Variants in BFSP1 observed in about 807,000 individuals in gnomAD.
BFSP1 encodes the protein beaded filament structural protein 1.
A neutral mutation model predicts 43.9 loss-of-function variants in BFSP1; 38 were observed. The ratio of observed to expected loss-of-function variants is 0.87; its 90% CI spans 0.67 to 1.14. The LOEUF (loss-of-function observed/expected upper bound fraction) is 1.14. Ranked by LOEUF, BFSP1 falls within the 50% of genes most tolerant of loss-of-function variation. The pLI is 0.00. For synonymous variants in BFSP1, 352 were observed against 354.8 expected (o/e 0.99, Z 0.09); for missense variants, 850 against 875.1 (o/e 0.97, Z 0.36).
At chr20:17,511,163 A>G (rs915427846) in intron 4 of BFSP1, among the ~76,000 whole-genome samples, 3 of 152,190 alleles carry the variant, frequency 2.0e-5, no homozygotes, top group Non-Finnish European at 4.4e-5. Context: ...TCCATAAACC[A>G]TATTAGGAAA....
At chr20:17,559,689 G>C (rs1239353299), upstream of BFSP1, among the ~76,000 whole-genome samples, 2 of 152,174 alleles carry the variant, frequency 1.3e-5, no homozygotes, top group African/African-American at 4.8e-5. Context: ...ATTCTCATAG[G>C]AGTGGGAACC....
At chr20:17,506,287 T>C (rs2033935334) in intron 5 of BFSP1, among the ~76,000 whole-genome samples, 1 of 151,724 alleles carries the variant, frequency 6.6e-6, no homozygotes, top group South Asian at 2.1e-4. Context: ...CATCTTTCTT[T>C]CTACCTTTTG....
At position 17,495,014 on chromosome 20, in the gene BFSP1, A is replaced by T. The variant is rs752763881; in HGVS notation, c.1058T>A (p.Leu353Gln). 6.2e-7 allele frequency: 1 copy of T among 1,612,148 alleles called. No homozygotes were observed. The change falls in exon 8 of 8, where the codon CTG becomes CAG. Residue 353 changes from leucine to glutamine, a missense_variant. Transcript: ENST00000377873. Reference protein sequence around the residue: ...GSGGKDLTRALQDITAAKPRQ... With the variant: ...GSGGKDLTRAQQDITAAKPRQ... ...TGGTTTTGCTGCTGTTATATCCTGCAGAGCTCTGGTAAGATCTGGAAAAAC... is the reference window on the plus strand; with the variant it reads ...TGGTTTTGCTGCTGTTATATCCTGCTGAGCTCTGGTAAGATCTGGAAAAAC...
chr20:17,496,819 TA>T, intron 7 of BFSP1, 118 bp downstream of exon 7: 1 of 899,776 alleles, frequency 1.1e-6, no homozygotes, highest in Non-Finnish European at 1.6e-6. Flanking sequence ...CTCCTTCACA[TA>T]AAAGCATTTA....
At position 17,531,188 on chromosome 20, in the gene BFSP1, C is replaced by G. The variant is rs1184975906; in HGVS notation, c.142G>C (p.Gly48Arg). ...TGGACGTGGGCGGCCACGCGCTCGCCGAGCCCCTGCAGCGCCGCCAGGCTC... is the reference window on the plus strand; with the variant it reads ...TGGACGTGGGCGGCCACGCGCTCGCGGAGCCCCTGCAGCGCCGCCAGGCTC... ...ATSLAALQGL[G>R]ERVAAHVQRA... is the part of the protein sequence containing the mutation. The change falls in exon 1 of 8, where the codon GGC (glycine) becomes CGC (arginine). Residue 48 changes from glycine (G) to arginine (R), a missense_variant. Gly to Arg is a moderately radical substitution (Grantham distance 125). Coordinates refer to ENST00000377873, the MANE Select transcript of BFSP1 (RefSeq NM_001195.5). 3 of 1,298,550 alleles carry G rather than the reference C, an allele frequency of 2.3e-6. No homozygotes were observed. The highest frequency in any genetic ancestry group is 3.3e-5 in the East Asian group (1 of 30,740). 80.4% of individuals were successfully genotyped at this position (1,298,550 alleles called of 1,614,324 possible).
chr20:17,512,351 C>T (rs2034104352), intron 3 of BFSP1, among the ~76,000 whole-genome samples: 1 of 152,034 alleles, frequency 6.6e-6, no homozygotes, highest in Non-Finnish European at 1.5e-5. Flanking sequence ...TTCACTGTTT[C>T]TCTTCAGTTA....
At chr20:17,566,663 C>CT (rs898872792) in intron 1 of BFSP1, among the ~76,000 whole-genome samples, 15 of 151,322 alleles carry the variant, frequency 9.9e-5, no homozygotes, top group South Asian at 4.2e-4. Flanking sequence ...TCTAGGACCT[C>CT]TTTTTTTTTG....
rs1214510665 is a variant in BFSP1 at position 17,494,979 on chromosome 20, C to A, written c.1093G>T (p.Ala365Ser). 1 of 1,613,776 alleles carries A rather than the reference C, an allele frequency of 6.2e-7. No individual in the cohort carries two copies. The highest frequency in any genetic ancestry group is 1.7e-5 in the Admixed American group (1 of 59,938). ...DITAAKPRQK[A>S]LPKNVPRRKE... ...CTCCTTGGAACATTCTTGGGGAGGG[C>A]TTTTTGTCTTGGTTTTGCTGCTGTT... The change falls in exon 8 of 8, where the codon GCC (alanine) becomes TCC (serine). Residue 365 changes from alanine to serine, a missense_variant. Coordinates refer to ENST00000377873, the MANE Select transcript of BFSP1 (RefSeq NM_001195.5).
intron 4 of BFSP1, among the ~76,000 whole-genome samples, chr20:17,511,588 A>G (rs1236006381): frequency 6.6e-6 from 1 of 152,168 alleles, no homozygotes; most frequent in African/African-American, 2.4e-5. Context: ...ACACACTACA[A>G]AGCTGACATA....
chr20:17,499,288 G>C (rs548891936), intron 5 of BFSP1, among the ~76,000 whole-genome samples: 2 of 148,692 alleles, frequency 1.3e-5, no homozygotes, highest in East Asian at 3.9e-4. Flanking sequence ...TTTGTCACCA[G>C]GCTGGAATGC....
chr20:17,562,171 C>T (rs2035072348), upstream of BFSP1, among the ~76,000 whole-genome samples: 1 of 151,746 alleles, frequency 6.6e-6, no homozygotes, highest in African/African-American at 2.4e-5. Context: ...CGGTCCGCCT[C>T]GGTCTCCCAA....
At chr20:17,535,736 T>A (rs1180852692), upstream of BFSP1, among the ~76,000 whole-genome samples, 1 of 152,170 alleles carries the variant, frequency 6.6e-6, no homozygotes, top group Admixed American at 6.5e-5. Flanking sequence ...AGTTTGAAAT[T>A]ATTTTCCAAA....
intron 6 of BFSP1, among the ~76,000 whole-genome samples, chr20:17,497,540 A>ATG (rs1336615047): frequency 1.6e-5 from 2 of 123,576 alleles, no homozygotes; most frequent in Admixed American, 9.0e-5. Context: ...GTATGTATAT[A>ATG]TGTGTGTATA....
chr20:17,566,970 G>A (rs2035126928), intron 1 of BFSP1, among the ~76,000 whole-genome samples: 1 of 151,984 alleles, frequency 6.6e-6, no homozygotes, highest in Non-Finnish European at 1.5e-5. Context: ...CTTTTATAAG[G>A]GCACTAATCC....
chr20:17,530,976 G>A lies in BFSP1; in HGVS notation c.354C>T (p.Arg118=). ...ACTTGCTTCGGAACTCGTCGAGCGC[G>A]CGCTGCGCCTCGGTGCCCTGGCGCT... The part of the protein sequence containing the change: ...RLERQGTEAQ[R]ALDEFRSKYE... Residue 118 remains arginine, a synonymous_variant, in exon 1 of 8, where the codon CGC becomes CGT. Coordinates refer to ENST00000377873, the MANE Select transcript of BFSP1 (RefSeq NM_001195.5). The A allele has an allele frequency of 1.2e-5, 17 of 1,439,164 alleles. No homozygotes were observed. The highest frequency in any genetic ancestry group is 1.5e-5 in the Non-Finnish European group (16 of 1,099,842). The allele number at this position is 1,439,164 out of a possible 1,614,324, so 89.1% of individuals were successfully genotyped here. A position where few individuals can be genotyped will look rare whatever the true frequency, so the allele number is the denominator to read the frequency against.
chr20:17,535,373 A>T (rs1057434296), upstream of BFSP1, among the ~76,000 whole-genome samples: 2 of 152,146 alleles, frequency 1.3e-5, no homozygotes, highest in African/African-American at 4.8e-5. Flanking sequence ...TACTAAAAAT[A>T]CAAAAAAATT....
At chr20:17,499,896 G>A (rs964590478) in intron 5 of BFSP1, among the ~76,000 whole-genome samples, 1 of 152,132 alleles carries the variant, frequency 6.6e-6, no homozygotes, top group African/African-American at 2.4e-5. Flanking sequence ...ACTCCAGCCT[G>A]GGCAACAGAG....
Position 17,494,425 on chromosome 20 carries a change from A to C in BFSP1, c.1647T>G (p.Asp549Glu). The C allele has an allele frequency of 1.2e-6, 2 of 1,614,030 alleles. No individual in the cohort carries two copies. Among genetic ancestry groups the C allele is most frequent in the Non-Finnish European group, 1.7e-6 (2 of 1,180,018 alleles). ...QQPIDKEIEP[D>E]GAELEGPEEK... Reference sequence around the variant, plus strand: ...CTTCAGGGCCTTCCAGCTCTGCACCATCTGGCTCAATCTCCTTGTCTATAG... The same window carrying C: ...CTTCAGGGCCTTCCAGCTCTGCACCCTCTGGCTCAATCTCCTTGTCTATAG... Residue 549 changes from aspartate (D) to glutamate (E), a missense_variant, in exon 8 of 8, where the codon GAT (aspartate) becomes GAG (glutamate). By Grantham distance (45) the Asp-to-Glu change is conservative. Transcript: ENST00000377873.
upstream of BFSP1, among the ~76,000 whole-genome samples, chr20:17,563,428 G>C (rs983589908): frequency 7.6e-6 from 1 of 131,812 alleles, no homozygotes; most frequent in Non-Finnish European, 1.5e-5. Flanking sequence ...ACAGAGTCTC[G>C]TGCTGTTGCC....
Sources: allele counts gnomAD v4.1 joint callset (sites outside exome capture counted in the v4.1 genomes callset), GRCh38; gene constraint gnomAD v4.1.1; transcripts MANE v1.5; gene names NCBI Gene and HGNC (gene_info 2026-07-23, HGNC 2026-07-21).